The following SCAMP1 variants were observed in gnomAD, a reference collection of about 807,000 sequenced individuals.
The protein encoded by SCAMP1 is secretory carrier-associated membrane protein 1.
In SCAMP1, 15 loss-of-function variants were observed where a neutral mutation model predicts 41.8. The observed-to-expected ratio is 0.36, with a 90% CI of 0.24 to 0.55. SCAMP1 has a LOEUF of 0.55. Ranked by LOEUF, SCAMP1 falls within the 20% of genes least tolerant of loss-of-function variation. The probability of loss-of-function intolerance (pLI) is 0.86; values close to 1 mark genes in which losing one functional copy is unlikely to be tolerated. For synonymous variants in SCAMP1, 135 were observed against 136.8 expected, an observed-to-expected ratio of 0.99 and a Z score of 0.09; for missense variants, 341 against 412.6, an observed-to-expected ratio of 0.83 and a Z score of 1.50.
At chr5:78,427,226 G>A (rs1432685345) in intron 6 of SCAMP1, among the ~76,000 whole-genome samples, 6 of 152,200 alleles carry the variant, frequency 3.9e-5, no homozygotes, top group Non-Finnish European at 7.3e-5. Context: ...ATCATGTGGT[G>A]AGAATGAAGA....
At chr5:78,362,435 A>G (rs541458953) in intron 1 of SCAMP1, among the ~76,000 whole-genome samples, 1 of 152,352 alleles carries the variant, frequency 6.6e-6, no homozygotes, top group African/African-American at 2.4e-5. Context: ...TGATATTGCC[A>G]TGACACTTTT....
intron 6 of SCAMP1, among the ~76,000 whole-genome samples, chr5:78,433,750 T>C (rs749581189): frequency 1.3e-5 from 2 of 152,108 alleles, no homozygotes; most frequent in Non-Finnish European, 2.9e-5. Context: ...TACTTTATAC[T>C]TGGAGCATGG....
chr5:78,392,720 C>T lies in SCAMP1; in HGVS notation c.135+3806C>T, dbSNP rs114987143. On this transcript the variant is annotated intron_variant, in intron 2 of 8. Transcript: ENST00000621999. Reference sequence around the variant, plus strand: ...TTCTTATGATAATTGGGTGCATTTTCCTCTGCACTGTTAACATGATGGAAA... The same window carrying T: ...TTCTTATGATAATTGGGTGCATTTTTCTCTGCACTGTTAACATGATGGAAA... Among the ~76,000 whole-genome samples the T allele has an allele frequency of 5.9e-3, 891 of 152,296 alleles. 4 individuals are homozygous for T. The highest frequency in any genetic ancestry group is 0.02 in the African/African-American group (840 of 41,554).
intron 1 of SCAMP1, among the ~76,000 whole-genome samples, chr5:78,384,943 T>C (rs1470590514): frequency 6.6e-6 from 1 of 152,124 alleles, no homozygotes; most frequent in Non-Finnish European, 1.5e-5. Context: ...CTGGTTTTGG[T>C]ATTAGGGTGA....
intron 8 of SCAMP1, among the ~76,000 whole-genome samples, chr5:78,461,839 C>G (rs1753622520): frequency 6.6e-6 from 1 of 152,186 alleles, no homozygotes; most frequent in South Asian, 2.1e-4. Context: ...GCTGGGATTA[C>G]AGGTGTGAGC....
At chr5:78,437,199 G>A (rs938233308) in intron 6 of SCAMP1, among the ~76,000 whole-genome samples, 6 of 151,944 alleles carry the variant, frequency 3.9e-5, no homozygotes, top group Non-Finnish European at 8.8e-5. Context: ...TTGAATACCC[G>A]TTATTTCTTT....
chr5:78,447,886 CCCCTTCTCCCTCCTCCCTCTTCTCCCT>C (rs1753095791), intron 6 of SCAMP1, among the ~76,000 whole-genome samples: 3 of 92,112 alleles, frequency 3.3e-5, no homozygotes, highest in Non-Finnish European at 4.4e-5. Flanking sequence ...CCCCTTCCTC[CCCCTTCTCCCTCCTCCCTCTTCTCCCT>C]CCTGCCTCCT....
Position 78,418,505 on chromosome 5 carries a change from G to A in SCAMP1, c.344-270G>A, listed in dbSNP as rs191629635. Among the ~76,000 whole-genome samples the A allele has an allele frequency of 2.6e-3, 397 of 152,168 alleles. 3 individuals are homozygous for A. Among genetic ancestry groups the A allele is most frequent in the Non-Finnish European group, 3.3e-3 (225 of 67,992 alleles). ...TTTCTTTTTGTTTCTTGTTTTTTCTGTACATAAATGGTTCCTGCTAAACAT... is the reference window on the plus strand; with the variant it reads ...TTTCTTTTTGTTTCTTGTTTTTTCTATACATAAATGGTTCCTGCTAAACAT... On this transcript the variant is annotated intron_variant, in intron 4 of 8. Transcript: ENST00000621999.
At chr5:78,433,088 C>G (rs1188193408) in intron 6 of SCAMP1, among the ~76,000 whole-genome samples, 1 of 152,080 alleles carries the variant, frequency 6.6e-6, no homozygotes, top group Non-Finnish European at 1.5e-5. Context: ...TGGTAATTTC[C>G]TATATCTTAT....
rs1042519608 is a variant in SCAMP1, at chr5:78,480,724, A to G, written c.*5056A>G. Among the ~76,000 whole-genome samples, 1 of 152,130 alleles carries G rather than the reference A, an allele frequency of 6.6e-6. No individual in the cohort carries two copies. Among genetic ancestry groups the G allele is most frequent in the Non-Finnish European group, 1.5e-5 (1 of 68,026 alleles). ...GTGATACATGAGAAAATAAAAATAA[A>G]TCCTTAATTCTGTCATCTTGGGGTA... On this transcript the variant is annotated 3_prime_UTR_variant, in exon 9 of 9. Coordinates refer to ENST00000621999, the MANE Select transcript of SCAMP1 (RefSeq NM_004866.6).
intron 8 of SCAMP1, among the ~76,000 whole-genome samples, chr5:78,473,970 G>A (rs1753944948): frequency 6.6e-6 from 1 of 151,898 alleles, no homozygotes; most frequent in African/African-American, 2.4e-5. Context: ...GACAAATTCA[G>A]TATCTCAGGG....
chr5:78,410,340 A>G (rs1752044680), intron 2 of SCAMP1, among the ~76,000 whole-genome samples: 3 of 150,520 alleles, frequency 2.0e-5, no homozygotes, highest in South Asian at 4.2e-4. Flanking sequence ...GTTTTTCCCC[A>G]CCATGTGTCC....
At chr5:78,377,459 C>T (rs1042410164) in intron 1 of SCAMP1, among the ~76,000 whole-genome samples, 1 of 152,064 alleles carries the variant, frequency 6.6e-6, no homozygotes, top group Non-Finnish European at 1.5e-5. Context: ...TAGTCAGTAC[C>T]GAGTTGCTTC....
rs1196217304 is a variant in SCAMP1 at position 78,480,409 on chromosome 5, A to G, written c.*4741A>G. 6.6e-6 allele frequency among the ~76,000 whole-genome samples: 1 copy of G among 152,224 alleles called. No individual in the cohort carries two copies. Among genetic ancestry groups the G allele is most frequent in the Admixed American group, 6.5e-5 (1 of 15,282 alleles). On this transcript the variant is annotated 3_prime_UTR_variant, in exon 9 of 9. Transcript: ENST00000621999. ...TATTTTCAGTGCTTACTTAAATGTA[A>G]TTCTAGAATTCCTCCACAACTTTTA...
intron 2 of SCAMP1, among the ~76,000 whole-genome samples, chr5:78,392,852 A>T (rs1751555987): frequency 6.6e-6 from 1 of 152,202 alleles, no homozygotes; most frequent in South Asian, 2.1e-4. Context: ...AGGTGTAGTT[A>T]GATAATTGAT....
rs186210054 is a variant in SCAMP1 at position 78,464,717 on chromosome 5, A to C, written c.852+5355A>C. On this transcript the variant is annotated intron_variant, in intron 8 of 8. Coordinates refer to ENST00000621999, the MANE Select transcript of SCAMP1 (RefSeq NM_004866.6). ...AGGTTGTAAAAACACACTACATGCC[A>C]TAAAGCCATCAAATGGGCCTTAATA... Among the ~76,000 whole-genome samples, 3 of 152,310 alleles carry C rather than the reference A, an allele frequency of 2.0e-5. No individual in the cohort carries two copies. The East Asian group carries it at 5.8e-4, about 29-fold the overall frequency.
intron 2 of SCAMP1, among the ~76,000 whole-genome samples, chr5:78,402,841 G>T (rs1751832250): frequency 8.6e-5 from 13 of 150,966 alleles, no homozygotes; most frequent in Admixed American, 8.6e-4. Flanking sequence ...TCTGTTTGTT[G>T]CCCTTGTTCT....
Position 78,421,959 on chromosome 5 carries a change from A to G in SCAMP1, c.631A>G (p.Arg211Gly). The G allele has an allele frequency of 6.2e-7, 1 of 1,610,102 alleles. No homozygotes were observed. The highest frequency in any genetic ancestry group is 8.5e-7 in the Non-Finnish European group (1 of 1,178,040). ...CWYRPLYGAF[R>G]SDSSFRFFVF... ...GTACAGACCACTTTATGGAGCTTTC[A>G]GGTAAAATGTGTGTACTTTAAAATA... The change falls in exon 6 of 9, where the codon AGG becomes GGG. Residue 211 changes from arginine (R) to glycine (G), a missense_variant and splice_region_variant. Coordinates refer to ENST00000621999, the MANE Select transcript of SCAMP1 (RefSeq NM_004866.6).
intron 2 of SCAMP1, among the ~76,000 whole-genome samples, chr5:78,401,004 G>A (rs78220624): frequency 0.037 from 5,670 of 152,212 alleles, 124 homozygotes; most frequent in Non-Finnish European, 0.055. Context: ...TCAAATTGAG[G>A]AAGTTCCCCT....
Sources: allele counts gnomAD v4.1 joint callset (sites outside exome capture counted in the v4.1 genomes callset), GRCh38; gene constraint gnomAD v4.1.1; transcripts MANE v1.5; gene names NCBI Gene and HGNC (gene_info 2026-07-23, HGNC 2026-07-21).